Variants in DIP2A observed in about 807,000 individuals in gnomAD.
The protein encoded by DIP2A is DIP2 acetate--CoA ligase A, also known as disco-interacting protein 2 homolog A.
In DIP2A, 85 loss-of-function variants were observed where a neutral mutation model predicts 177.4. The ratio of observed to expected loss-of-function variants is 0.48; its 90% CI spans 0.40 to 0.57. DIP2A has a LOEUF of 0.57. Ranked by LOEUF, DIP2A falls within the 20% of genes least tolerant of loss-of-function variation. DIP2A has a pLI of 0.00. For missense variants in DIP2A, 1,791 were observed against 2,100.2 expected, an observed-to-expected ratio of 0.85 and a Z score of 2.88; for synonymous variants, 886 against 881.8, an observed-to-expected ratio of 1.00 and a Z score of -0.08.
chr21:46,501,813 T>C (rs953958392), intron 5 of DIP2A, among the ~76,000 whole-genome samples: 1 of 152,262 alleles, frequency 6.6e-6, no homozygotes, highest in Non-Finnish European at 1.5e-5. Context: ...AATCATTTAT[T>C]CTTTTTGCTA....
In DIP2A at chr21:46,459,153, C is replaced by T. The variant is rs867467065; in HGVS notation, c.22C>T (p.Leu8=). 1 of 1,518,296 alleles carries T rather than the reference C, an allele frequency of 6.6e-7. No homozygotes were observed. The highest frequency in any genetic ancestry group is 2.7e-5 in the East Asian group (1 of 36,480). The allele number at this position is 1,518,296 out of a possible 1,614,324, so 94.1% of individuals were successfully genotyped here. The part of the protein sequence containing the change: MADRGCP[L]EAAPLPAEVR... ...GGCCATGGCTGACCGCGGGTGCCCG[C>T]TGGAGGCGGCGCCGCTGCCTGCCGA... is the stretch of plus-strand genomic sequence containing the variant. Residue 8 remains leucine (L), a synonymous_variant, in exon 1 of 38, where the codon CTG becomes TTG. Transcript: ENST00000417564.
In DIP2A at chr21:46,549,874, C is replaced by T. The variant is rs199807759; in HGVS notation, c.2626C>T (p.Arg876Cys). The change falls in exon 22 of 38, where the codon CGT (arginine) becomes TGT (cysteine). Residue 876 changes from arginine to cysteine, a missense_variant. Arg to Cys is a radical substitution (Grantham distance 180, BLOSUM62 -3). Coordinates refer to ENST00000417564, the MANE Select transcript of DIP2A (RefSeq NM_015151.4). The stretch of plus-strand genomic sequence containing the variant: ...GGAGGACAGCTTCCAGTGGATGAGC[C>T]GTGTGCTGCAGGTGGGCGCCCCGGC... The part of the protein sequence containing the change: ...SEEDSFQWMS[R>C]VLQAIDSIHQ... The T allele has an allele frequency of 2.0e-4, 320 of 1,611,670 alleles. No individual in the cohort carries two copies. Among genetic ancestry groups the T allele is most frequent in the Non-Finnish European group, 2.5e-4 (298 of 1,179,942 alleles).
At position 46,490,450 on chromosome 21, in the gene DIP2A, A is replaced by G. The variant is rs141804003; in HGVS notation, c.164-150A>G. 1.6e-5 allele frequency: 15 copies of G among 957,882 alleles called. No individual in the cohort carries two copies. The African/African-American group carries it at 1.7e-4, about 11-fold the overall frequency. 59.3% of individuals were successfully genotyped at this position (957,882 alleles called of 1,614,324 possible). A position where few individuals can be genotyped will look rare whatever the true frequency, so the allele number is the denominator to read the frequency against. Reference sequence around the variant, plus strand: ...GTGGATGTTGCCCTTAACCCACAGCATTTATGCGTCTATCACTGACTTCCA... The same window carrying G: ...GTGGATGTTGCCCTTAACCCACAGCGTTTATGCGTCTATCACTGACTTCCA... On this transcript the variant is annotated intron_variant, in intron 2 of 37. Transcript: ENST00000417564.
intron 18 of DIP2A, among the ~76,000 whole-genome samples, chr21:46,542,986 G>T (rs1165620921): frequency 6.6e-6 from 1 of 152,228 alleles, no homozygotes; most frequent in African/African-American, 2.4e-5. Flanking sequence ...GGGCCAGCTG[G>T]TGCCTGATCC....
chr21:46,529,103 A>G lies in DIP2A; in HGVS notation c.1114A>G (p.Ser372Gly). 6.6e-7 allele frequency: 1 copy of G among 1,510,064 alleles called. No individual in the cohort carries two copies. Among genetic ancestry groups the G allele is most frequent in the Non-Finnish European group, 8.9e-7 (1 of 1,128,256 alleles). The allele number at this position is 1,510,064 out of a possible 1,614,324, so 93.5% of individuals were successfully genotyped here. A position where few individuals can be genotyped will look rare whatever the true frequency, so the allele number is the denominator to read the frequency against. The change falls in exon 9 of 38, where the codon AGT becomes GGT. Residue 372 changes from serine (S) to glycine (G), a missense_variant. Transcript: ENST00000417564. ...VYTLTYGKLW[S>G]RSLKLAYTLL... ...TTATTTTGTTTTAGGTAAACTTTGG[A>G]GTCGGAGTTTAAAACTAGCTTATAC...
chr21:46,580,479 C>T, the DIP2A span, among the ~76,000 whole-genome samples: 2 of 152,164 alleles, frequency 1.3e-5, no homozygotes, highest in Non-Finnish European at 2.9e-5. Context: ...GAATTTGATC[C>T]TGTCATCATA....
chr21:46,554,493 CCT>C (rs771648950), intron 26 of DIP2A, 80 bp from the exon 27 acceptor site: 719 of 1,569,792 alleles, frequency 4.6e-4, no homozygotes, highest in Admixed American at 1.6e-3. Context: ...CACCTCCCCT[CCT>C]CTCTCGCAGG....
rs1343663298 is a variant in DIP2A, at chr21:46,561,764, C to G, written c.4048C>G (p.Arg1350Gly). Residue 1350 changes from arginine to glycine, a missense_variant, in exon 34 of 38, where the codon CGG (arginine) becomes GGG (glycine). Transcript: ENST00000417564. Reference sequence around the variant, plus strand: ...AATTTTTAGGGTTCGTTTGGTAGAACGGGGTTCTCCGCACAGCCTGCCATT... The same window carrying G: ...AATTTTTAGGGTTCGTTTGGTAGAAGGGGGTTCTCCGCACAGCCTGCCATT... ...LRHDRVRLVE[R>G]GSPHSLPLME... is the part of the protein sequence containing the mutation. 4.3e-6 allele frequency: 7 copies of G among 1,613,926 alleles called. No homozygotes were observed. The highest frequency in any genetic ancestry group is 5.9e-6 in the Non-Finnish European group (7 of 1,179,884).
intron 6 of DIP2A, among the ~76,000 whole-genome samples, chr21:46,506,756 C>CT (rs1327366657): frequency 1.4e-5 from 1 of 72,952 alleles, no homozygotes; most frequent in Non-Finnish European, 3.2e-5. Flanking sequence ...TTCTTTCTTT[C>CT]TTTCTTTCTT....
intron 6 of DIP2A, among the ~76,000 whole-genome samples, chr21:46,506,950 G>A (rs147287130): frequency 0.041 from 6,264 of 151,492 alleles, 191 homozygotes; most frequent in Non-Finnish European, 0.063. Context: ...ACAGGCATGT[G>A]CCACGATGCC....
At chr21:46,545,999 G>A (rs368898178) in intron 20 of DIP2A, 38 bp downstream of exon 20, 2 of 1,613,824 alleles carry the variant, frequency 1.2e-6, no homozygotes, top group Admixed American at 1.7e-5. Context: ...GGCAGTCAGA[G>A]AAGGTAGGGG....
At chr21:46,509,780 C>T (rs2058214577) in intron 7 of DIP2A, among the ~76,000 whole-genome samples, 1 of 152,038 alleles carries the variant, frequency 6.6e-6, no homozygotes, top group Non-Finnish European at 1.5e-5. Flanking sequence ...GAAGAATACA[C>T]ACATATTTTT....
chr21:46,554,489 CCCT>C, intron 26 of DIP2A, 83 bp from the exon 27 acceptor site: 2 of 1,566,514 alleles, frequency 1.3e-6, no homozygotes, highest in Non-Finnish European at 1.7e-6. Flanking sequence ...GCACCACCTC[CCCT>C]CCTCTCTCGC....
Position 46,526,189 on chromosome 21 carries a change from C to A in DIP2A, c.1103-2903C>A, listed in dbSNP as rs531591101. 2.3e-4 allele frequency among the ~76,000 whole-genome samples: 35 copies of A among 151,906 alleles called. No homozygotes were observed. In the South Asian group the frequency reaches 7.3e-3, roughly 32 times the overall value. ...CCTCCCAAAGTGCTAGGATTACAAG[C>A]GTGAGCCACCCGCACCTGGCCACCT... On this transcript the variant is annotated intron_variant, in intron 8 of 37. Transcript: ENST00000417564.
intron 9 of DIP2A, among the ~76,000 whole-genome samples, chr21:46,530,872 C>T (rs894379930): frequency 1.3e-5 from 2 of 152,082 alleles, no homozygotes; most frequent in Middle Eastern, 3.2e-3. Context: ...TGGGATTTCT[C>T]ATTGGTAAAA....
chr21:46,571,527 A>G (rs964197403), downstream of DIP2A, among the ~76,000 whole-genome samples: 10 of 152,342 alleles, frequency 6.6e-5, no homozygotes, highest in South Asian at 2.1e-3. Context: ...CTTCCTATCC[A>G]TGAACATGGG....
intron 1 of DIP2A, among the ~76,000 whole-genome samples, chr21:46,460,850 C>A (rs761450766): frequency 6.6e-6 from 1 of 151,948 alleles, no homozygotes; most frequent in African/African-American, 2.4e-5. Context: ...CTTGCCACCA[C>A]GCCCAGCTAA....
At chr21:46,517,054 C>CTCT (rs1569019304) in intron 8 of DIP2A, among the ~76,000 whole-genome samples, 2 of 60,826 alleles carry the variant, frequency 3.3e-5, no homozygotes, top group Non-Finnish European at 2.9e-5. Context: ...TTTTCTCTCT[C>CTCT]TTTTTTTTTT....
In DIP2A at chr21:46,534,112, A is replaced by G. The variant is rs779970599; in HGVS notation, c.1538A>G (p.Glu513Gly). The G allele has an allele frequency of 3.1e-6, 5 of 1,609,062 alleles. No individual in the cohort carries two copies. In the African/African-American group the frequency reaches 5.3e-5, roughly 17 times the overall value. The change falls in exon 12 of 38, where the codon GAG becomes GGG. Residue 513 changes from glutamate (E) to glycine (G), a missense_variant and splice_region_variant. By Grantham distance (98) the Glu-to-Gly change is moderately conservative. Transcript: ENST00000417564. ...ACAGGGACTGGGACTGCCTACATTG[A>G]GGTAATGACTGTTCCTAACTTAGAG... is the stretch of plus-strand genomic sequence containing the variant. ...QDTGTGTAYI[E>G]YKTSKEGSTV...
Sources: gnomAD v4.1 joint callset for allele counts (sites outside exome capture counted in the v4.1 genomes callset) on GRCh38, gnomAD v4.1.1 for gene constraint, MANE v1.5 for transcripts, NCBI Gene and HGNC (gene_info 2026-07-23, HGNC 2026-07-21) for gene names.